COL9A1: variants seen among roughly 807,000 people sequenced by gnomAD.
COL9A1 encodes the protein collagen alpha-1(IX) chain.
COL9A1 carries 104 observed loss-of-function variants against 142.6 expected under a neutral mutation model. The ratio of observed to expected loss-of-function variants is 0.73; its 90% confidence interval spans 0.62 to 0.86. COL9A1 has a LOEUF of 0.86. Among genes scored for constraint, COL9A1 ranks in the 40% least tolerant of loss-of-function variants. The probability of loss-of-function intolerance (pLI) is 0.00; values close to 1 mark genes in which losing one functional copy is unlikely to be tolerated. For synonymous variants in COL9A1, 466 were observed against 396.0 expected (o/e 1.18, Z -2.10); for missense variants, 1,210 against 1,176.6 (o/e 1.03, Z -0.42).
chr6:70,276,411 T>C (rs571143789), intron 10 of COL9A1, among the ~76,000 whole-genome samples: 1 of 152,272 alleles, frequency 6.6e-6, no homozygotes, highest in South Asian at 2.1e-4. Flanking sequence ...CTAACACTCT[T>C]CAACCTGTGA....
intron 37 of COL9A1, among the ~76,000 whole-genome samples, chr6:70,220,659 A>C (rs966075989): frequency 6.6e-6 from 1 of 152,108 alleles, no homozygotes; most frequent in African/African-American, 2.4e-5. Context: ...ACTATGTGGG[A>C]GCCTCAGTTG....
chr6:70,271,591 C>T (rs961933727), intron 14 of COL9A1, 64 bp downstream of exon 14: 18 of 1,481,552 alleles, frequency 1.2e-5, no homozygotes, highest in Non-Finnish European at 1.7e-5. Flanking sequence ...GGGTAATTTG[C>T]TTTCCCAAAT....
intron 5 of COL9A1, among the ~76,000 whole-genome samples, chr6:70,291,912 G>A (rs1051688851): frequency 6.6e-6 from 1 of 152,136 alleles, no homozygotes; most frequent in African/African-American, 2.4e-5. Flanking sequence ...CCTCAGCTGA[G>A]AAATGGAGAT....
At chr6:70,282,808 G>C (rs1165025248) in intron 7 of COL9A1, 90 bp downstream of exon 7, 43 of 1,592,156 alleles carry the variant, frequency 2.7e-5, no homozygotes, top group Non-Finnish European at 2.6e-6. Flanking sequence ...GGGATGCTCC[G>C]CGCCTTTCTC....
Position 70,281,448 on chromosome 6 carries a change from T to C in COL9A1, c.818A>G (p.Glu273Gly). The C allele has an allele frequency of 6.2e-7, 1 of 1,612,722 alleles. No individual in the cohort carries two copies. The highest frequency in any genetic ancestry group is 8.5e-7 in the Non-Finnish European group (1 of 1,179,634). The change falls in exon 8 of 38, where the codon GAG (glutamate) becomes GGG (glycine). Residue 273 changes from glutamate (E) to glycine (G), a missense_variant. By Grantham distance (98) the Glu-to-Gly change is moderately conservative. Coordinates refer to ENST00000357250, the MANE Select transcript of COL9A1 (RefSeq NM_001851.6). ...QTTDERGPPG[E>G]QGPPGPPGPP... is the part of the protein sequence containing the mutation. ...GCCCGGAGGCCCGGGAGGACCCTGC[T>C]CACCCGGGGGACCTCTCTGGCAAAA...
chr6:70,242,798 C>T (rs1770350331), intron 28 of COL9A1, 83 bp from the exon 29 acceptor site: 1 of 1,387,272 alleles, frequency 7.2e-7, no homozygotes, highest in Non-Finnish European at 1.0e-6. Context: ...TAACATCCTA[C>T]CTAGGTTTTT....
In COL9A1 at chr6:70,278,745, T is replaced by C. The variant is rs534161886; in HGVS notation, c.975+2067A>G. Among the ~76,000 whole-genome samples, 10 of 152,348 alleles carry C rather than the reference T, an allele frequency of 6.6e-5. No homozygotes were observed. In the East Asian group the frequency reaches 9.6e-4, roughly 15 times the overall value. ...ATGCTGCACTGTGGGTCTGCAAATATAGACAAAGAAAAATTTACTTGAAAT... is the reference window on the plus strand; with the variant it reads ...ATGCTGCACTGTGGGTCTGCAAATACAGACAAAGAAAAATTTACTTGAAAT... On this transcript the variant is annotated intron_variant, in intron 10 of 37. Transcript: ENST00000357250.
intron 18 of COL9A1, among the ~76,000 whole-genome samples, chr6:70,265,649 G>GT (rs1241156534): frequency 1.3e-5 from 2 of 151,594 alleles, no homozygotes; most frequent in Non-Finnish European, 2.9e-5. Context: ...AAGCACTTGG[G>GT]TTTTTTTCCT....
At chr6:70,228,503 T>C (rs1463176168) in intron 36 of COL9A1, among the ~76,000 whole-genome samples, 2 of 151,966 alleles carry the variant, frequency 1.3e-5, no homozygotes, top group African/African-American at 4.8e-5. Context: ...ATACATACCA[T>C]TTTTTTTCCA....
intron 37 of COL9A1, among the ~76,000 whole-genome samples, chr6:70,224,370 T>C (rs567785645): frequency 6.6e-6 from 1 of 152,308 alleles, no homozygotes; most frequent in African/African-American, 2.4e-5. Context: ...ACAGCACACA[T>C]GGAGCTGATC....
At chr6:70,281,827 C>T (rs973841049) in intron 7 of COL9A1, among the ~76,000 whole-genome samples, 20 of 152,108 alleles carry the variant, frequency 1.3e-4, no homozygotes, top group Non-Finnish European at 2.9e-5. Flanking sequence ...TCATTCGATA[C>T]CTCGATTTAT....
At chr6:70,292,603 C>A (rs1233865324) in intron 5 of COL9A1, among the ~76,000 whole-genome samples, 1 of 152,076 alleles carries the variant, frequency 6.6e-6, no homozygotes, top group Non-Finnish European at 1.5e-5. Context: ...GGCAATAAGA[C>A]AATTTAATAG....
chr6:70,271,780 A>ATTTATCATATT, intron 13 of COL9A1, 72 bp from the exon 14 acceptor site: 2 of 1,375,152 alleles, frequency 1.5e-6, no homozygotes, highest in Non-Finnish European at 2.0e-6. Flanking sequence ...TATATCAAAT[A>ATTTATCATATT]TGATAAATAT....
At chr6:70,269,155 T>C (rs1335315775) in intron 16 of COL9A1, among the ~76,000 whole-genome samples, 4 of 152,194 alleles carry the variant, frequency 2.6e-5, no homozygotes, top group East Asian at 1.9e-4. Context: ...TCAAATCTAA[T>C]TTATTAAGGA....
intron 33 of COL9A1, among the ~76,000 whole-genome samples, chr6:70,237,945 A>G (rs142838617): frequency 4.1e-4 from 63 of 152,372 alleles, no homozygotes; most frequent in African/African-American, 1.4e-3. Flanking sequence ...TTCCAAGGAA[A>G]GAGGAAGAGG....
At chr6:70,299,340 A>C (rs1206574276) in intron 4 of COL9A1, among the ~76,000 whole-genome samples, 1 of 152,104 alleles carries the variant, frequency 6.6e-6, no homozygotes, top group Non-Finnish European at 1.5e-5. Context: ...TTTTAATTCT[A>C]GTTTTTTTAT....
intron 5 of COL9A1, among the ~76,000 whole-genome samples, chr6:70,292,798 C>T (rs540904003): frequency 2.1e-4 from 32 of 152,294 alleles, no homozygotes; most frequent in African/African-American, 6.0e-4. Context: ...TGTCTGAGAA[C>T]CTTTCCAGTG....
intron 6 of COL9A1, 85 bp from the exon 7 acceptor site, chr6:70,283,003 C>T: frequency 2.5e-6 from 4 of 1,613,392 alleles, no homozygotes; most frequent in Non-Finnish European, 3.4e-6. Context: ...CAAGCAGAGC[C>T]CCAACAGCAG....
rs1327128383 is a variant in COL9A1 at position 70,216,651 on chromosome 6, TTTC to T, written c.*243_*245del. ...AATTTATTCAAGGGAGGTGTTTGGT[TTTC>T]TTTTTTTTTTTTTAACTGATGACTC... On this transcript the variant is annotated 3_prime_UTR_variant, in exon 38 of 38. Transcript: ENST00000357250. 1.9e-6 allele frequency: 1 copy of T among 517,056 alleles called. No individual in the cohort carries two copies. 32.0% of individuals were successfully genotyped at this position (517,056 alleles called of 1,614,324 possible). A position where few individuals can be genotyped will look rare whatever the true frequency, so the allele number is the denominator to read the frequency against.
Sources: gnomAD v4.1 joint callset for allele counts (sites outside exome capture counted in the v4.1 genomes callset) on GRCh38, gnomAD v4.1.1 for gene constraint, MANE v1.5 for transcripts, NCBI Gene and HGNC (gene_info 2026-07-23, HGNC 2026-07-21) for gene names.